The following IARS1 variants were observed in gnomAD, a reference collection of about 807,000 sequenced individuals.
IARS1 encodes isoleucine--tRNA ligase, cytoplasmic.
In IARS1, 124 loss-of-function variants were observed where a neutral mutation model predicts 168.2. The observed-to-expected ratio is 0.74, with a 90% CI of 0.64 to 0.86. IARS1 has a LOEUF of 0.86. Ranked by LOEUF, IARS1 falls within the 40% of genes least tolerant of loss-of-function variation. The probability of loss-of-function intolerance (pLI) is 0.00; values close to 1 mark genes in which losing one functional copy is unlikely to be tolerated. For missense variants in IARS1, 1,452 were observed against 1,515.8 expected (o/e 0.96, Z 0.70); for synonymous variants, 532 against 529.4 (o/e 1.00, Z -0.07).
At chr9:92,243,026 T>C (rs11789578) in intron 28 of IARS1, 190 bp downstream of exon 28, 62,787 of 502,846 alleles carry the variant, frequency 0.12, 4,644 homozygotes, top group South Asian at 0.21. Flanking sequence ...AAGCTACGAC[T>C]TGGGAGTGAA....
At chr9:92,223,733 TTCTC>T (rs1334826965) in intron 31 of IARS1, among the ~76,000 whole-genome samples, 3 of 152,224 alleles carry the variant, frequency 2.0e-5, no homozygotes, top group Non-Finnish European at 4.4e-5. Flanking sequence ...GCTAATTGTT[TTCTC>T]TATTTTAGTA....
intron 29 of IARS1, 89 bp downstream of exon 29, chr9:92,242,065 C>A: frequency 1.0e-6 from 1 of 983,916 alleles, no homozygotes; most frequent in Non-Finnish European, 1.6e-6. Context: ...CCGATCTCTA[C>A]TGTGGGACAG....
intron 6 of IARS1, 42 bp from the exon 7 acceptor site, chr9:92,280,935 A>C: frequency 6.9e-7 from 1 of 1,442,008 alleles, no homozygotes; most frequent in Non-Finnish European, 9.6e-7. Flanking sequence ...GAAATCCACA[A>C]TAACAGACAC....
intron 27 of IARS1, among the ~76,000 whole-genome samples, chr9:92,244,397 G>GGGAC (rs1828884078): frequency 6.6e-6 from 1 of 152,088 alleles, no homozygotes; most frequent in African/African-American, 2.4e-5. Context: ...TAAGCACAGA[G>GGGAC]GGACCCCTGC....
Position 92,260,181 on chromosome 9 carries a change from A to G in IARS1, c.1841T>C (p.Ile614Thr). 1 of 1,614,156 alleles carries G rather than the reference A, an allele frequency of 6.2e-7. No individual in the cohort carries two copies. Among genetic ancestry groups the G allele is most frequent in the Non-Finnish European group, 8.5e-7 (1 of 1,179,970 alleles). Residue 614 changes from isoleucine to threonine, a missense_variant, in exon 18 of 34, where the codon ATC becomes ACC. By Grantham distance (89) the Ile-to-Thr change is moderately conservative. Coordinates refer to ENST00000443024, the MANE Select transcript of IARS1 (RefSeq NM_002161.6). ...RKKNYPDPVS[I>T]IQKYGADALR... ...GGCATCAGCACCATACTTCTGGATG[A>G]TGGAAACTGGATCTGGATAATTCTT...
chr9:92,279,204 T>C (rs1440762955), intron 7 of IARS1, among the ~76,000 whole-genome samples: 7 of 152,224 alleles, frequency 4.6e-5, no homozygotes, highest in Non-Finnish European at 7.3e-5. Context: ...AAAACTGCTA[T>C]GAATAAGGCT....
In IARS1 at chr9:92,286,683, T is replaced by C. The variant is rs112667946; in HGVS notation, c.397-65A>G. On this transcript the variant is annotated intron_variant, in intron 4 of 33. Transcript: ENST00000443024. ...ATTTATAATTGTACATCAATGTGTG[T>C]TTATTTCTGTTGTCATCACAAATGA... 91 of 894,714 alleles carry C rather than the reference T, an allele frequency of 1.0e-4. 3 individuals carry two copies. Among genetic ancestry groups the C allele is most frequent in the African/African-American group, 1.0e-3 (59 of 58,988 alleles). The allele number at this position is 894,714 out of a possible 1,614,324, so 55.4% of individuals were successfully genotyped here.
At position 92,258,953 on chromosome 9, in the gene IARS1, G is replaced by A; in HGVS notation, c.1917C>T (p.Arg639=). The part of the protein sequence containing the change: ...NSPVVRAENL[R]FKEEGVRDVL... Reference sequence around the variant, plus strand: ...CGTCCCGCACACCCTCTTCTTTAAAGCGGAGGTTTTCTGCTCTCACCACAG... The same window carrying A: ...CGTCCCGCACACCCTCTTCTTTAAAACGGAGGTTTTCTGCTCTCACCACAG... Residue 639 remains arginine (R), a synonymous_variant, in exon 19 of 34, where the codon CGC becomes CGT. Coordinates refer to ENST00000443024, the MANE Select transcript of IARS1 (RefSeq NM_002161.6). 6.2e-7 allele frequency: 1 copy of A among 1,613,856 alleles called. No homozygotes were observed. The highest frequency in any genetic ancestry group is 8.5e-7 in the Non-Finnish European group (1 of 1,179,896).
chr9:92,223,631 T>C (rs1825166542), intron 31 of IARS1, 142 bp from the exon 32 acceptor site: 1 of 679,470 alleles, frequency 1.5e-6, no homozygotes, highest in Admixed American at 2.9e-5. Flanking sequence ...GACATTGCCT[T>C]TTCTATAAAA....
At chr9:92,240,603 A>G in intron 30 of IARS1, 2 of 677,598 alleles carry the variant, frequency 3.0e-6, no homozygotes, top group South Asian at 3.3e-5. Flanking sequence ...TATGTTGGCA[A>G]GGTTAGTCTT....
intron 1 of IARS1, among the ~76,000 whole-genome samples, chr9:92,291,142 G>A (rs1271382548): frequency 6.6e-6 from 1 of 151,972 alleles, no homozygotes; most frequent in African/African-American, 2.4e-5. Context: ...AGCCACCCTT[G>A]AGACCTTTCC....
intron 33 of IARS1, among the ~76,000 whole-genome samples, chr9:92,221,140 G>C (rs1587701383): frequency 6.6e-6 from 1 of 152,180 alleles, no homozygotes; most frequent in East Asian, 1.9e-4. Flanking sequence ...ACAAGGGTAA[G>C]ATAAAAAAGC....
intron 6 of IARS1, among the ~76,000 whole-genome samples, chr9:92,281,312 T>A (rs2133946294): frequency 6.6e-6 from 1 of 152,150 alleles, no homozygotes; most frequent in South Asian, 2.1e-4. Flanking sequence ...TTTTGTATTT[T>A]TAGTAGAGAT....
At chr9:92,217,564 A>G (rs1233703044) in intron 33 of IARS1, among the ~76,000 whole-genome samples, 6 of 150,806 alleles carry the variant, frequency 4.0e-5, no homozygotes, top group African/African-American at 1.2e-4. Flanking sequence ...AGAATCAAAT[A>G]GACGCAATAC....
At chr9:92,252,009 A>G in intron 21 of IARS1, 124 bp from the exon 22 acceptor site, 1 of 738,844 alleles carries the variant, frequency 1.4e-6, no homozygotes, top group Non-Finnish European at 2.2e-6. Context: ...GACATGAGAC[A>G]GAGAAAGGAG....
Position 92,245,069 on chromosome 9 carries a change from T to C in IARS1, c.2794A>G (p.Thr932Ala). 6.2e-7 allele frequency: 1 copy of C among 1,613,670 alleles called. No homozygotes were observed. The highest frequency in any genetic ancestry group is 8.5e-7 in the Non-Finnish European group (1 of 1,179,640). Reference protein sequence around the residue: ...EELEQFQKTGTIVVEGHELHD... With the variant: ...EELEQFQKTGAIVVEGHELHD... ...AATTCATGGCCTTCCACAACAATGGTCCCTATGGAGAAGCAGCTACACTGT... is the reference window on the plus strand; with the variant it reads ...AATTCATGGCCTTCCACAACAATGGCCCCTATGGAGAAGCAGCTACACTGT... Residue 932 changes from threonine (T) to alanine (A), a missense_variant and splice_region_variant, in exon 27 of 34, where the codon ACC becomes GCC. By Grantham distance (58) the Thr-to-Ala change is moderately conservative (BLOSUM62 0). Transcript: ENST00000443024.
At chr9:92,216,996 A>T (rs930144362) in intron 33 of IARS1, among the ~76,000 whole-genome samples, 39 of 150,850 alleles carry the variant, frequency 2.6e-4, no homozygotes, top group African/African-American at 8.7e-4. Flanking sequence ...CACCACACCT[A>T]TTCCAAAATT....
chr9:92,237,093 T>C (rs1827661601), intron 30 of IARS1, among the ~76,000 whole-genome samples: 1 of 152,226 alleles, frequency 6.6e-6, no homozygotes, highest in African/African-American at 2.4e-5. Flanking sequence ...CTTCTTACTT[T>C]GCATTTATTC....
intron 14 of IARS1, among the ~76,000 whole-genome samples, chr9:92,265,871 C>A (rs749075430): frequency 6.6e-5 from 10 of 152,200 alleles, no homozygotes; most frequent in Non-Finnish European, 1.5e-4. Context: ...GCTGCCCAGG[C>A]TGGTCTCAAA....
Sources: allele counts gnomAD v4.1 joint callset (sites outside exome capture counted in the v4.1 genomes callset), GRCh38; gene constraint gnomAD v4.1.1; transcripts MANE v1.5; gene names NCBI Gene and HGNC (gene_info 2026-07-23, HGNC 2026-07-21).